Variants in KIF5B observed in about 807,000 individuals in gnomAD.
KIF5B encodes kinesin family member 5B.
A neutral mutation model predicts 132.8 loss-of-function variants in KIF5B; 49 were observed. That is an observed-to-expected ratio of 0.37 (90% CI 0.29 to 0.47). The LOEUF (loss-of-function observed/expected upper bound fraction) is 0.47. Ranked by LOEUF, KIF5B falls within the 20% of genes least tolerant of loss-of-function variation. KIF5B has a pLI of 1.00. For synonymous variants in KIF5B, 355 were observed against 369.4 expected, an observed-to-expected ratio of 0.96 and a Z score of 0.45; for missense variants, 780 against 1,144.0, an observed-to-expected ratio of 0.68 and a Z score of 4.59.
intron 2 of KIF5B, among the ~76,000 whole-genome samples, chr10:32,040,808 G>C (rs781126553): frequency 3.3e-5 from 5 of 151,946 alleles, no homozygotes; most frequent in Non-Finnish European, 5.9e-5. Context: ...TCAGCATGGT[G>C]AAACCCTGTC....
At position 32,052,261 on chromosome 10, in the gene KIF5B, T is replaced by C. The variant is rs551597340; in HGVS notation, c.126+3587A>G. 4.6e-5 allele frequency among the ~76,000 whole-genome samples: 7 copies of C among 152,314 alleles called. No individual in the cohort carries two copies. The South Asian group carries it at 1.0e-3, about 23-fold the overall frequency. On this transcript the variant is annotated intron_variant, in intron 1 of 25. Transcript: ENST00000302418. ...GATTTTCCTTAGTTAAACACTATAGTGGGCTAACATTCCACAACTGTAAAG... is the reference window on the plus strand; with the variant it reads ...GATTTTCCTTAGTTAAACACTATAGCGGGCTAACATTCCACAACTGTAAAG...
At chr10:32,054,526 T>C (rs1841729521) in intron 1 of KIF5B, among the ~76,000 whole-genome samples, 1 of 152,336 alleles carries the variant, frequency 6.6e-6, no homozygotes, top group African/African-American at 2.4e-5. Flanking sequence ...TAAAGAACTT[T>C]AGTCTGTCTT....
intron 20 of KIF5B, among the ~76,000 whole-genome samples, chr10:32,018,877 G>A (rs901347543): frequency 2.0e-5 from 3 of 151,902 alleles, no homozygotes; most frequent in Non-Finnish European, 1.5e-5. Flanking sequence ...AAAAATTTTT[G>A]TAGAGACGGG....
At chr10:32,034,177 C>G in intron 11 of KIF5B, 139 bp from the exon 12 acceptor site, 1 of 554,944 alleles carries the variant, frequency 1.8e-6, no homozygotes, top group Non-Finnish European at 3.1e-6. Flanking sequence ...GTGGTGCAAT[C>G]TAGGCTCACT....
Position 32,039,359 on chromosome 10 carries a change from A to T in KIF5B, c.361T>A (p.Ser121Thr). 1 of 1,413,784 alleles carries T rather than the reference A, an allele frequency of 7.1e-7. No homozygotes were observed. The highest frequency in any genetic ancestry group is 9.8e-7 in the Non-Finnish European group (1 of 1,022,538). 87.6% of individuals were successfully genotyped at this position (1,413,784 alleles called of 1,614,324 possible). Residue 121 changes from serine to threonine, a missense_variant, in exon 4 of 26, where the codon TCC becomes ACC. Ser to Thr is a moderately conservative substitution (Grantham distance 58). Around this residue, in one of 9 missense-constraint regions of KIF5B, gnomAD observed 76 missense variants for 146.4 expected, o/e 0.52. Coordinates refer to ENST00000302418, the MANE Select transcript of KIF5B (RefSeq NM_004521.3). Reference protein sequence around the residue: ...IVQDIFNYIYSMDENLEFHIK... With the variant: ...IVQDIFNYIYTMDENLEFHIK... ...TGAAATTCCAAATTTTCATCCATGG[A>T]GTAAATATAATTAAAAATATCTTGC...
chr10:32,019,526 T>G (rs1392103216), intron 20 of KIF5B, among the ~76,000 whole-genome samples: 1 of 152,208 alleles, frequency 6.6e-6, no homozygotes, highest in African/African-American at 2.4e-5. Flanking sequence ...TTGTGTTAGA[T>G]CTTAAAATCT....
In KIF5B at chr10:32,021,045, T is replaced by C; in HGVS notation, c.2181A>G (p.Ala727=). ...ACTCTTGAAGATCAGTAATAAGTTTTGCTTTTGCTTCTACTTCATCTCTCA... is the reference window on the plus strand; with the variant it reads ...ACTCTTGAAGATCAGTAATAAGTTTCGCTTTTGCTTCTACTTCATCTCTCA... ...SSLRDEVEAK[A]KLITDLQDQN... Residue 727 remains alanine (A), a synonymous_variant, in exon 19 of 26, where the codon GCA becomes GCG. Coordinates refer to ENST00000302418, the MANE Select transcript of KIF5B (RefSeq NM_004521.3). 2 of 1,605,326 alleles carry C rather than the reference T, an allele frequency of 1.2e-6. No individual in the cohort carries two copies. Among genetic ancestry groups the C allele is most frequent in the Non-Finnish European group, 1.7e-6 (2 of 1,172,238 alleles).
intron 7 of KIF5B, 59 bp downstream of exon 7, chr10:32,037,461 C>A (rs1841475900): frequency 1.3e-6 from 2 of 1,585,556 alleles, no homozygotes; most frequent in East Asian, 2.2e-5. Flanking sequence ...TAATTAATCA[C>A]CTGGATAAGG....
In KIF5B at chr10:32,039,426, T is replaced by A. The variant is rs753216425; in HGVS notation, c.294A>T (p.Lys98Asn). The A allele has an allele frequency of 6.9e-7, 1 of 1,449,896 alleles. No individual in the cohort carries two copies. Among genetic ancestry groups the A allele is most frequent in the Non-Finnish European group, 9.4e-7 (1 of 1,062,266 alleles). The allele number at this position is 1,449,896 out of a possible 1,614,324, so 89.8% of individuals were successfully genotyped here. The change falls in exon 4 of 26, where the codon AAA becomes AAT. Residue 98 changes from lysine to asparagine, a missense_variant. By Grantham distance (94) the Lys-to-Asn change is moderately conservative. This residue lies in a region of KIF5B where 15 missense variants were observed against 48.5 expected (regional missense o/e 0.31). Transcript: ENST00000302418. Reference sequence around the variant, plus strand: ...TTCCCATGCCTTCTGGATCATGAAGTTTACCCTAAACAAAAAACAAAACTA... The same window carrying A: ...TTCCCATGCCTTCTGGATCATGAAGATTACCCTAAACAAAAAACAAAACTA... ...SSGKTHTMEG[K>N]LHDPEGMGII...
Position 32,037,015 on chromosome 10 carries a change from A to G in KIF5B, c.711+239T>C, listed in dbSNP as rs74127905. On this transcript the variant is annotated intron_variant, in intron 8 of 25. Coordinates refer to ENST00000302418, the MANE Select transcript of KIF5B (RefSeq NM_004521.3). ...TGCTGAACCAGTTCTCACTATGAAC[A>G]TATCTTAAGTCATAGAAACCACTTA... 1.8e-3 allele frequency among the ~76,000 whole-genome samples: 281 copies of G among 152,358 alleles called. 1 individual carries two copies. The highest frequency in any genetic ancestry group is 6.6e-3 in the African/African-American group (275 of 41,588).
intron 2 of KIF5B, among the ~76,000 whole-genome samples, chr10:32,042,522 T>C (rs1841556056): frequency 6.6e-6 from 1 of 152,242 alleles, no homozygotes; most frequent in African/African-American, 2.4e-5. Flanking sequence ...TCAATTTACC[T>C]GTCTGCTTTA....
At chr10:32,046,039 G>C (rs961263574) in intron 2 of KIF5B, among the ~76,000 whole-genome samples, 1 of 151,992 alleles carries the variant, frequency 6.6e-6, no homozygotes, top group Non-Finnish European at 1.5e-5. Flanking sequence ...CAAATGTGCT[G>C]ACAGCCAACT....
rs1841031949 is a variant in KIF5B, at chr10:32,009,038, T to C, written c.*2499A>G. The C allele has an allele frequency of 6.6e-6, 1 of 152,180 alleles. No individual in the cohort carries two copies. Among genetic ancestry groups the C allele is most frequent in the Non-Finnish European group, 1.5e-5 (1 of 68,022 alleles). 9.4% of individuals were successfully genotyped at this position (152,180 alleles called of 1,614,324 possible). A position where few individuals can be genotyped will look rare whatever the true frequency, so the allele number is the denominator to read the frequency against. On this transcript the variant is annotated 3_prime_UTR_variant, in exon 26 of 26. Coordinates refer to ENST00000302418, the MANE Select transcript of KIF5B (RefSeq NM_004521.3). ...CATTTCAAAAAATTTTCCTCTTTAT[T>C]TAAACATAAAACGCATTTACAACAT...
At chr10:32,032,839 A>C in intron 12 of KIF5B, 65 bp from the exon 13 acceptor site, 1 of 1,165,652 alleles carries the variant, frequency 8.6e-7, no homozygotes, top group South Asian at 1.2e-5. Flanking sequence ...TTCCCAATAC[A>C]GGTTATAAGA....
rs950453097 is a variant in KIF5B at position 32,056,088 on chromosome 10, C to G, written c.-115G>C. ...GAGGGCCGTGAGAGGCAGCAGTCAG[C>G]TGCGCCGCGCTGCGCTTCCCCGGGT... On this transcript the variant is annotated 5_prime_UTR_variant, in exon 1 of 26. Transcript: ENST00000302418. 1.6e-6 allele frequency: 2 copies of G among 1,270,316 alleles called. No individual in the cohort carries two copies. The highest frequency in any genetic ancestry group is 2.1e-6 in the Non-Finnish European group (2 of 934,924). The allele number at this position is 1,270,316 out of a possible 1,614,324, so 78.7% of individuals were successfully genotyped here. A position where few individuals can be genotyped will look rare whatever the true frequency, so the allele number is the denominator to read the frequency against.
intron 1 of KIF5B, among the ~76,000 whole-genome samples, chr10:32,055,518 GCACA>G (rs61091883): frequency 3.9e-4 from 58 of 150,062 alleles, no homozygotes; most frequent in South Asian, 1.1e-3. Flanking sequence ...ATCCGTAATT[GCACA>G]CACACACACA....
At chr10:32,019,619 A>T (rs1841230802) in intron 20 of KIF5B, among the ~76,000 whole-genome samples, 1 of 152,212 alleles carries the variant, frequency 6.6e-6, no homozygotes, top group Non-Finnish European at 1.5e-5. Context: ...CAGCAAGCAG[A>T]TTAATAAAGA....
intron 6 of KIF5B, 70 bp from the exon 7 acceptor site, chr10:32,037,677 A>G: frequency 8.2e-7 from 1 of 1,222,432 alleles, no homozygotes; most frequent in Non-Finnish European, 1.2e-6. Context: ...TAATAAAAAC[A>G]CAAAAATTAG....
At chr10:32,021,581 CT>C (rs1841262501) in intron 17 of KIF5B, among the ~76,000 whole-genome samples, 1 of 124,354 alleles carries the variant, frequency 8.0e-6, no homozygotes, top group Admixed American at 8.6e-5. Flanking sequence ...CCTAAGTCCC[CT>C]ATGTTAAGAC....
Sources: gnomAD v4.1 joint callset for allele counts (sites outside exome capture counted in the v4.1 genomes callset) on GRCh38, gnomAD v4.1.1 for gene constraint, gnomAD v4.1.1 regional missense constraint, MANE v1.5 for transcripts, NCBI Gene and HGNC (gene_info 2026-07-23, HGNC 2026-07-21) for gene names.